The following ADAMTS19 variants were observed in gnomAD, a reference collection of about 807,000 sequenced individuals.
ADAMTS19 encodes ADAM metallopeptidase with thrombospondin type 1 motif 19, also known as A disintegrin and metalloproteinase with thrombospondin motifs 19.
ADAMTS19 carries 93 observed loss-of-function variants against 153.3 expected under a neutral mutation model. That is an observed-to-expected ratio of 0.61 (90% CI 0.51 to 0.72). The LOEUF (loss-of-function observed/expected upper bound fraction) is 0.72, where lower values mean the gene tolerates loss of function less well. ADAMTS19 is among the 30% of genes least tolerant of loss of function. The pLI, the probability that ADAMTS19 is intolerant of heterozygous loss-of-function variation, is 0.00. For missense variants in ADAMTS19, 1,482 were observed against 1,552.1 expected (o/e 0.95, Z 0.76); for synonymous variants, 600 against 556.6 (o/e 1.08, Z -1.10).
At chr5:129,526,549 C>T (rs1240157483) in intron 4 of ADAMTS19, 93 bp downstream of exon 4, 1 of 1,233,864 alleles carries the variant, frequency 8.1e-7, no homozygotes, top group Non-Finnish European at 1.1e-6. Context: ...TTAAAATTAA[C>T]TCATTACTAT....
chr5:129,609,640 A>G (rs1751100827), intron 8 of ADAMTS19, among the ~76,000 whole-genome samples: 1 of 152,112 alleles, frequency 6.6e-6, no homozygotes, highest in Admixed American at 6.6e-5. Context: ...ATAATAAGCA[A>G]TTTTTCCAAG....
At chr5:129,711,090 G>C (rs1756436331) in intron 21 of ADAMTS19, among the ~76,000 whole-genome samples, 1 of 152,106 alleles carries the variant, frequency 6.6e-6, no homozygotes, top group Admixed American at 6.6e-5. Flanking sequence ...AATTTGTATA[G>C]CTTCCTAGTT....
chr5:129,564,966 G>T lies in ADAMTS19; in HGVS notation c.1372+13059G>T, dbSNP rs73248513. On this transcript the variant is annotated intron_variant, in intron 7 of 22. Transcript: ENST00000274487. ...AGTTCATACCAAGGAACTTTTAAAAGTTAAGAGACATAATTATGCTTAGAC... is the reference window on the plus strand; with the variant it reads ...AGTTCATACCAAGGAACTTTTAAAATTTAAGAGACATAATTATGCTTAGAC... 7.9e-3 allele frequency among the ~76,000 whole-genome samples: 1,209 copies of T among 152,272 alleles called. 16 individuals are homozygous for T. The highest frequency in any genetic ancestry group is 0.028 in the African/African-American group (1,158 of 41,558).
At chr5:129,662,888 ATT>A (rs3049499) in intron 15 of ADAMTS19, among the ~76,000 whole-genome samples, 4,573 of 92,496 alleles carry the variant, frequency 0.049, 55 homozygotes, top group African/African-American at 0.12. Context: ...ATTCTTCTTC[ATT>A]TTTTTTTTTT....
intron 6 of ADAMTS19, among the ~76,000 whole-genome samples, chr5:129,533,389 G>C (rs1037969924): frequency 4.6e-5 from 7 of 152,222 alleles, no homozygotes; most frequent in African/African-American, 1.7e-4. Context: ...AATAAAGTTG[G>C]TTAAGAGTAG....
intron 5 of ADAMTS19, among the ~76,000 whole-genome samples, chr5:129,528,140 T>A (rs1423207445): frequency 2.6e-5 from 4 of 152,024 alleles, no homozygotes; most frequent in African/African-American, 9.7e-5. Flanking sequence ...TTTTATTTAT[T>A]TTAAATGGGA....
chr5:129,660,469 T>C (rs1753773980), intron 15 of ADAMTS19, among the ~76,000 whole-genome samples: 1 of 151,984 alleles, frequency 6.6e-6, no homozygotes, highest in South Asian at 2.1e-4. Context: ...TTCTTTCATA[T>C]TTATTTAGTA....
chr5:129,704,305 TGTGTCCTCTC>T lies in ADAMTS19; in HGVS notation c.3227_3236del (p.Cys1076LeufsTer39). ...TAGATGTACCAACCCAAGAAAGAAG[TGTGTCCTCTC>T]TACCAGACCCAGGGAGGCTGAAGAC... On this transcript the variant is annotated frameshift_variant, in exon 21 of 23. Coordinates refer to ENST00000274487, the MANE Select transcript of ADAMTS19 (RefSeq NM_133638.6). LOFTEE classifies it high-confidence loss of function. 1 of 1,614,054 alleles carries T rather than the reference TGTGTCCTCTC, an allele frequency of 6.2e-7. No homozygotes were observed. Among genetic ancestry groups the T allele is most frequent in the Non-Finnish European group, 8.5e-7 (1 of 1,179,986 alleles).
chr5:129,529,344 A>G (rs896230054), intron 6 of ADAMTS19, among the ~76,000 whole-genome samples: 3 of 152,184 alleles, frequency 2.0e-5, no homozygotes, highest in African/African-American at 7.2e-5. Context: ...ACATCACAGT[A>G]GCGTAAATTA....
intron 11 of ADAMTS19, among the ~76,000 whole-genome samples, chr5:129,644,562 C>G (rs1050561301): frequency 1.3e-5 from 2 of 152,228 alleles, no homozygotes; most frequent in Admixed American, 6.6e-5. Flanking sequence ...TTTATATACT[C>G]TTTATGGACA....
intron 10 of ADAMTS19, among the ~76,000 whole-genome samples, chr5:129,639,453 G>A (rs972883984): frequency 6.6e-6 from 1 of 152,084 alleles, no homozygotes; most frequent in Non-Finnish European, 1.5e-5. Flanking sequence ...GAACAGAAAG[G>A]GTAAAAGACA....
At chr5:129,631,216 C>T (rs1265283067) in intron 10 of ADAMTS19, among the ~76,000 whole-genome samples, 2 of 135,384 alleles carry the variant, frequency 1.5e-5, no homozygotes, top group South Asian at 2.5e-4. Context: ...ATGATCCAAA[C>T]TTTCCACTCC....
intron 3 of ADAMTS19, among the ~76,000 whole-genome samples, chr5:129,517,210 C>A (rs746303776): frequency 6.6e-6 from 1 of 151,882 alleles, no homozygotes; most frequent in Non-Finnish European, 1.5e-5. Context: ...AGCATATGGT[C>A]TTTCCTTGAG....
intron 7 of ADAMTS19, among the ~76,000 whole-genome samples, chr5:129,560,206 C>A (rs986213466): frequency 6.6e-6 from 1 of 152,184 alleles, no homozygotes; most frequent in African/African-American, 2.4e-5. Flanking sequence ...ATTTAGCTAT[C>A]AGTCTAACTT....
intron 2 of ADAMTS19, among the ~76,000 whole-genome samples, chr5:129,503,062 T>C (rs141191362): frequency 3.3e-5 from 5 of 152,208 alleles, no homozygotes; most frequent in African/African-American, 9.6e-5. Flanking sequence ...TATGCCAAGA[T>C]GTAATCATGC....
Position 129,476,037 on chromosome 5 carries a change from G to A in ADAMTS19, c.747+14280G>A, listed in dbSNP as rs533455928. ...AAACCGATTATTTTTTTTTCTCTGT[G>A]AAAATGATTATTACTAGAGAATTGG... On this transcript the variant is annotated intron_variant, in intron 2 of 22. Coordinates refer to ENST00000274487, the MANE Select transcript of ADAMTS19 (RefSeq NM_133638.6). 3.3e-5 allele frequency among the ~76,000 whole-genome samples: 5 copies of A among 151,986 alleles called. 1 individual carries two copies. The highest frequency in any genetic ancestry group is 9.6e-5 in the African/African-American group (4 of 41,492).
At chr5:129,585,401 T>C (rs1332881127) in intron 7 of ADAMTS19, among the ~76,000 whole-genome samples, 1 of 152,056 alleles carries the variant, frequency 6.6e-6, no homozygotes, top group African/African-American at 2.4e-5. Context: ...TGAACTTCCC[T>C]AAGGACAGTT....
chr5:129,674,118 C>T (rs1440065035), intron 16 of ADAMTS19, among the ~76,000 whole-genome samples: 1 of 151,964 alleles, frequency 6.6e-6, no homozygotes, highest in Non-Finnish European at 1.5e-5. Flanking sequence ...GTAATCCCAG[C>T]TACTCAGGAG....
At chr5:129,469,372 T>C (rs1352207323) in intron 2 of ADAMTS19, among the ~76,000 whole-genome samples, 1 of 152,158 alleles carries the variant, frequency 6.6e-6, no homozygotes, top group Non-Finnish European at 1.5e-5. Flanking sequence ...GTTTATAAGA[T>C]TGGCACAAAT....
Sources: gnomAD v4.1 joint callset for allele counts (sites outside exome capture counted in the v4.1 genomes callset) on GRCh38, gnomAD v4.1.1 for gene constraint, MANE v1.5 for transcripts, NCBI Gene and HGNC (gene_info 2026-07-23, HGNC 2026-07-21) for gene names.